NEB: variants seen among roughly 807,000 people sequenced by gnomAD.
The protein encoded by NEB is nebulin, also known as nemaline myopathy type 2.
Under a neutral mutation model 952.2 loss-of-function variants are expected in NEB, and 512 were observed. The ratio of observed to expected loss-of-function variants is 0.54; its 90% CI spans 0.50 to 0.58. The LOEUF is 0.58. Among genes scored for constraint, NEB ranks in the 20% least tolerant of loss-of-function variants. The pLI, the probability that NEB is intolerant of heterozygous loss-of-function variation, is 0.00. For missense variants in NEB, 8,428 were observed against 9,231.1 expected, an observed-to-expected ratio of 0.91 and a Z score of 3.56; for synonymous variants, 2,900 against 3,149.8, an observed-to-expected ratio of 0.92 and a Z score of 2.66.
In NEB at chr2:151,708,488, G is replaced by C. The variant is rs188466758; in HGVS notation, c.1035+1168C>G. ...GCTTCCCAACGCATTGCCCTCTCCT[G>C]ATTTTGCTTCTCCCTCATCTTACAT... On this transcript the variant is annotated intron_variant, in intron 12 of 181. Coordinates refer to ENST00000397345, the MANE Select transcript of NEB (RefSeq NM_001164508.2). 1.6e-3 allele frequency among the ~76,000 whole-genome samples: 239 copies of C among 152,166 alleles called. 2 individuals are homozygous for C. Among genetic ancestry groups the C allele is most frequent in the Admixed American group, 0.015 (234 of 15,278 alleles).
In NEB at chr2:151,527,510, C is replaced by G; in HGVS notation, c.21811G>C (p.Ala7271Pro). The G allele has an allele frequency of 1.2e-6, 2 of 1,613,324 alleles. No homozygotes were observed. Among genetic ancestry groups the G allele is most frequent in the Non-Finnish European group, 1.7e-6 (2 of 1,179,616 alleles). Residue 7271 changes from alanine to proline, a missense_variant, in exon 147 of 182, where the codon GCT (alanine) becomes CCT (proline). By Grantham distance (27) the Ala-to-Pro change is conservative. Transcript: ENST00000397345. ...WTPDRPDFLQ[A>P]AKSSLQQSDF... ...CTTTGCTGCAGGGATGACTTGGCAG[C>G]CTGGAGGAAGTCCGGTCGGTCAGGA...
At chr2:151,697,517 A>G (rs766670677) in intron 14 of NEB, 27 bp downstream of exon 14, 1 of 1,607,840 alleles carries the variant, frequency 6.2e-7, no homozygotes, top group Non-Finnish European at 8.5e-7. Flanking sequence ...TTTTTTTAAC[A>G]GAAAGAGTGA....
chr2:151,685,004 C>A, intron 27 of NEB, 29 bp from the exon 28 acceptor site: 1 of 1,528,530 alleles, frequency 6.5e-7, no homozygotes, highest in South Asian at 1.2e-5. Context: ...CATTTATTAT[C>A]ACAAATCCTC....
chr2:151,516,458 C>T lies in NEB; in HGVS notation c.22905+1G>A. 1 of 1,603,042 alleles carries T rather than the reference C, an allele frequency of 6.2e-7. No individual in the cohort carries two copies. The highest frequency in any genetic ancestry group is 1.1e-5 in the South Asian group (1 of 90,444). On this transcript the variant is annotated splice_donor_variant, in intron 157 of 181. Transcript: ENST00000397345. LOFTEE classifies it high-confidence loss of function. Reference sequence around the variant, plus strand: ...TGTGTGGTGTGGTTTTTTTGACTTACCCCACTCTGCATCTGCTGAGACTCT... The same window carrying T: ...TGTGTGGTGTGGTTTTTTTGACTTATCCCACTCTGCATCTGCTGAGACTCT...
Position 151,490,369 on chromosome 2 carries a change from TA to T in NEB, c.25297+2del, listed in dbSNP as rs1553519860. The T allele has an allele frequency of 6.3e-7, 1 of 1,587,344 alleles. No individual in the cohort carries two copies. Among genetic ancestry groups the T allele is most frequent in the Non-Finnish European group, 8.6e-7 (1 of 1,165,682 alleles). ...TGCCAAAATCAGCGCCAGGCACTTGTACCTGTTGAGACTGCAAAGACACCCC... is the reference window on the plus strand; with the variant it reads ...TGCCAAAATCAGCGCCAGGCACTTGTCCTGTTGAGACTGCAAAGACACCCC... On this transcript the variant is annotated splice_donor_variant, in intron 180 of 181. Coordinates refer to ENST00000397345, the MANE Select transcript of NEB (RefSeq NM_001164508.2). LOFTEE classifies it high-confidence loss of function.
At chr2:151,624,107 C>A (rs2098471945) in intron 71 of NEB, among the ~76,000 whole-genome samples, 1 of 152,104 alleles carries the variant, frequency 6.6e-6, no homozygotes, top group Admixed American at 6.5e-5. Context: ...GTGGGCCATT[C>A]TGAAATGTGA....
chr2:151,528,281 G>A (rs187319470), intron 146 of NEB, among the ~76,000 whole-genome samples: 53 of 152,258 alleles, frequency 3.5e-4, no homozygotes, highest in African/African-American at 1.3e-3. Flanking sequence ...GCACTATTAG[G>A]CACATTTCTT....
At chr2:151,540,243 G>A in intron 138 of NEB, 101 bp downstream of exon 138, 1 of 637,048 alleles carries the variant, frequency 1.6e-6, no homozygotes, top group Non-Finnish European at 2.5e-6. Context: ...CCTAGGCCAT[G>A]GTTTAGAACT....
chr2:151,659,090 T>C lies in NEB; in HGVS notation c.6050A>G (p.Lys2017Arg). 1 of 1,611,534 alleles carries C rather than the reference T, an allele frequency of 6.2e-7. No homozygotes were observed. Among genetic ancestry groups the C allele is most frequent in the Middle Eastern group, 1.7e-4 (1 of 6,052 alleles). Reference sequence around the variant, plus strand: ...ATCACTCATATTAATTGCATTTGCCTTTGCCAAAATAATCTGGGGGATATC... The same window carrying C: ...ATCACTCATATTAATTGCATTTGCCCTTGCCAAAATAATCTGGGGGATATC... ...MPDIPQIILA[K>R]ANAINMSDKL... Residue 2017 changes from lysine (K) to arginine (R), a missense_variant, in exon 47 of 182, where the codon AAG (lysine) becomes AGG (arginine). Lys to Arg is a conservative substitution (Grantham distance 26). Around this residue, in one of 11 missense-constraint regions of NEB, gnomAD observed 2,851 missense variants for 2,791.5 expected, o/e 1.02. Transcript: ENST00000397345.
chr2:151,664,723 C>T (rs1442522963), intron 43 of NEB, 36 bp downstream of exon 43: 11 of 1,562,878 alleles, frequency 7.0e-6, no homozygotes, highest in Non-Finnish European at 8.8e-6. Context: ...TCCCTTTAAC[C>T]TTCTCCCCAG....
In NEB at chr2:151,506,687, A is replaced by G. The variant is rs148705319; in HGVS notation, c.23556+222T>C. On this transcript the variant is annotated intron_variant, in intron 163 of 181. Coordinates refer to ENST00000397345, the MANE Select transcript of NEB (RefSeq NM_001164508.2). ...CATGTTACTGCCCTGGGATTAAAAA[A>G]TTTAAAAATAAAAGTTACGTTGTTA... Among the ~76,000 whole-genome samples the G allele has an allele frequency of 1.4e-3, 215 of 152,342 alleles. 1 individual carries two copies. Among genetic ancestry groups the G allele is most frequent in the African/African-American group, 5.1e-3 (213 of 41,580 alleles).
At chr2:151,502,208 G>C (rs545107350) in intron 167 of NEB, among the ~76,000 whole-genome samples, 15 of 151,754 alleles carry the variant, frequency 9.9e-5, no homozygotes, top group Non-Finnish European at 2.1e-4. Flanking sequence ...GTGAACTTTG[G>C]GGACTTGCAG....
At chr2:151,626,234 C>T (rs1029697776) in intron 70 of NEB, among the ~76,000 whole-genome samples, 2 of 152,040 alleles carry the variant, frequency 1.3e-5, no homozygotes, top group African/African-American at 2.4e-5. Flanking sequence ...CCCACCTCAG[C>T]CTCCCAAGTA....
chr2:151,624,391 T>C (rs773352709), intron 71 of NEB, among the ~76,000 whole-genome samples: 23 of 152,124 alleles, frequency 1.5e-4, no homozygotes, highest in Non-Finnish European at 3.1e-4. Context: ...AAGAGCTTCA[T>C]TATAATCTGG....
intron 55 of NEB, among the ~76,000 whole-genome samples, chr2:151,645,235 A>G (rs913167376): frequency 2.0e-5 from 3 of 152,212 alleles, no homozygotes; most frequent in Admixed American, 2.0e-4. Flanking sequence ...CTGTTTCATT[A>G]GAAGTTTTTG....
At chr2:151,683,765 C>T (rs1344620164) in intron 28 of NEB, among the ~76,000 whole-genome samples, 1 of 152,144 alleles carries the variant, frequency 6.6e-6, no homozygotes, top group African/African-American at 2.4e-5. Flanking sequence ...TTCACATGCC[C>T]ATATTCATAG....
At chr2:151,697,487 A>T in intron 14 of NEB, 30 bp from the exon 15 acceptor site, 1 of 1,605,300 alleles carries the variant, frequency 6.2e-7, no homozygotes, top group Non-Finnish European at 8.5e-7. Flanking sequence ...TCATTTATTA[A>T]TTGGTGAAAT....
At chr2:151,719,217 G>A (rs2099767574) in intron 9 of NEB, among the ~76,000 whole-genome samples, 1 of 152,178 alleles carries the variant, frequency 6.6e-6, no homozygotes, top group Non-Finnish European at 1.5e-5. Context: ...GAACCCTTGT[G>A]GCCTGCATAG....
intron 107 of NEB, among the ~76,000 whole-genome samples, chr2:151,573,114 G>A (rs1250136798): frequency 2.0e-5 from 3 of 152,112 alleles, no homozygotes; most frequent in Non-Finnish European, 2.9e-5. Flanking sequence ...CTAAATAACG[G>A]CAGCAGTTTT....
Sources: gnomAD v4.1 joint callset for allele counts (sites outside exome capture counted in the v4.1 genomes callset) on GRCh38, gnomAD v4.1.1 for gene constraint, gnomAD v4.1.1 regional missense constraint, MANE v1.5 for transcripts, NCBI Gene and HGNC (gene_info 2026-07-23, HGNC 2026-07-21) for gene names.